FOXP1: variants seen among roughly 807,000 people sequenced by gnomAD.
The protein encoded by FOXP1 is forkhead box P1, also known as forkhead box protein P1.
FOXP1 carries 15 observed loss-of-function variants against 98.2 expected under a neutral mutation model. The ratio of observed to expected loss-of-function variants is 0.15; its 90% CI spans 0.10 to 0.24. The LOEUF (loss-of-function observed/expected upper bound fraction) is 0.24, where lower values mean the gene tolerates loss of function less well. Ranked by LOEUF, FOXP1 falls within the 10% of genes least tolerant of loss-of-function variation. FOXP1 has a pLI of 1.00. For missense variants in FOXP1, 633 were observed against 848.5 expected (o/e 0.75, Z 3.15); for synonymous variants, 371 against 314.5 (o/e 1.18, Z -1.90).
At chr3:71,016,183 A>G (rs1420941409) in intron 11 of FOXP1, among the ~76,000 whole-genome samples, 3 of 152,156 alleles carry the variant, frequency 2.0e-5, no homozygotes, top group Non-Finnish European at 4.4e-5. Context: ...AGACAAATGT[A>G]TCCAAGCAGA....
chr3:71,093,120 G>T (rs1206223381), intron 7 of FOXP1, among the ~76,000 whole-genome samples: 1 of 151,812 alleles, frequency 6.6e-6, no homozygotes, highest in Admixed American at 6.6e-5. Flanking sequence ...AATTAGCCGG[G>T]CATAGTGGCA....
intron 5 of FOXP1, among the ~76,000 whole-genome samples, chr3:71,220,752 CAAAAT>C (rs3033235): frequency 0.029 from 3,787 of 132,764 alleles, 215 homozygotes; most frequent in East Asian, 0.23. Flanking sequence ...GACCCTGTCT[CAAAAT>C]AAAATAAAAT....
At chr3:71,521,103 G>A (rs919256593) in intron 2 of FOXP1, among the ~76,000 whole-genome samples, 1 of 152,180 alleles carries the variant, frequency 6.6e-6, no homozygotes, top group Non-Finnish European at 1.5e-5. Context: ...GAAAGTCAAG[G>A]CTAGGTGGTG....
chr3:71,053,285 T>A lies in FOXP1; in HGVS notation c.420+351A>T, dbSNP rs569363985. On this transcript the variant is annotated intron_variant, in intron 8 of 20. Transcript: ENST00000649528. ...GTCGAAATGGGGACATCAAGAGCTG[T>A]CATATTTAAACCACTCCCAACGTGC... Among the ~76,000 whole-genome samples the A allele has an allele frequency of 4.6e-5, 7 of 152,264 alleles. 1 individual carries two copies. The South Asian group carries it at 1.4e-3, about 32-fold the overall frequency.
At chr3:71,459,394 G>A (rs763033656) in intron 3 of FOXP1, among the ~76,000 whole-genome samples, 10 of 152,176 alleles carry the variant, frequency 6.6e-5, no homozygotes, top group African/African-American at 9.7e-5. Flanking sequence ...GACCCAAGAA[G>A]GGGATACAGA....
At chr3:71,439,925 G>A (rs2085751809) in intron 3 of FOXP1, among the ~76,000 whole-genome samples, 1 of 148,064 alleles carries the variant, frequency 6.8e-6, no homozygotes, top group Non-Finnish European at 1.5e-5. Context: ...TCCAGCCTGG[G>A]CGAGAGAGTG....
intron 2 of FOXP1, among the ~76,000 whole-genome samples, chr3:71,569,595 ATATATTT>A (rs2047173526): frequency 1.3e-5 from 2 of 152,164 alleles, no homozygotes; most frequent in African/African-American, 4.8e-5. Flanking sequence ...AACATCATCT[ATATATTT>A]TATATTTTTA....
chr3:71,488,736 C>T (rs1446027450), intron 3 of FOXP1, among the ~76,000 whole-genome samples: 1 of 152,118 alleles, frequency 6.6e-6, no homozygotes. Flanking sequence ...TCTTCGCATG[C>T]GGGAGCCCGA....
chr3:71,487,185 T>C (rs1184155779), intron 3 of FOXP1, among the ~76,000 whole-genome samples: 1 of 151,972 alleles, frequency 6.6e-6, no homozygotes, highest in East Asian at 1.9e-4. Flanking sequence ...AAAACTATAA[T>C]ATTTCACAGA....
chr3:71,222,688 G>A (rs1464652481), intron 5 of FOXP1, among the ~76,000 whole-genome samples: 2 of 152,170 alleles, frequency 1.3e-5, no homozygotes, highest in Admixed American at 6.5e-5. Flanking sequence ...CAAAGCCTTG[G>A]TCTTTTTCAA....
chr3:71,404,415 C>T (rs2082170678), intron 3 of FOXP1, among the ~76,000 whole-genome samples: 1 of 151,896 alleles, frequency 6.6e-6, no homozygotes, highest in Admixed American at 6.6e-5. Context: ...GCATGAGCCA[C>T]CAGGCCGGCC....
intron 11 of FOXP1, among the ~76,000 whole-genome samples, chr3:71,016,870 C>A (rs1489811139): frequency 6.6e-6 from 1 of 151,916 alleles, no homozygotes; most frequent in Non-Finnish European, 1.5e-5. Context: ...AAAGTAAACA[C>A]ACAGACACAC....
intron 4 of FOXP1, among the ~76,000 whole-genome samples, chr3:71,337,920 C>CTCCGTTATACATATGTAA (rs2076784757): frequency 6.6e-6 from 1 of 152,136 alleles, no homozygotes; most frequent in African/African-American, 2.4e-5. Context: ...AAGATATGTA[C>CTCCGTTATACATATGTAA]CTCCGTTATA....
intron 3 of FOXP1, among the ~76,000 whole-genome samples, chr3:71,442,389 A>C (rs1239537378): frequency 1.3e-5 from 2 of 152,122 alleles, no homozygotes; most frequent in African/African-American, 4.8e-5. Flanking sequence ...AAAAAAAAAA[A>C]AAAACCACAT....
chr3:71,184,092 T>G (rs7430752), intron 6 of FOXP1, among the ~76,000 whole-genome samples: 63,728 of 151,892 alleles, frequency 0.42, 13,673 homozygotes, highest in Middle Eastern at 0.58. Context: ...GCGGAGGTTG[T>G]GGTAAGCTGA....
In FOXP1 at chr3:71,581,183, G is replaced by T. The variant is rs73839908; in HGVS notation, c.-298+366C>A. 417 of 985,186 alleles carry T rather than the reference G, an allele frequency of 4.2e-4. 2 individuals carry two copies. In the African/African-American group the frequency reaches 7.0e-3, roughly 17 times the overall value. The allele number at this position is 985,186 out of a possible 1,614,324, so 61.0% of individuals were successfully genotyped here. On this transcript the variant is annotated intron_variant, in intron 2 of 20. Coordinates refer to ENST00000649528, the MANE Select transcript of FOXP1 (RefSeq NM_001349338.3). ...AGCCCAGACTAAATCAATACACTTTGTAATCAGCCCAGCAAGGGTATTTGG... is the reference window on the plus strand; with the variant it reads ...AGCCCAGACTAAATCAATACACTTTTTAATCAGCCCAGCAAGGGTATTTGG...
chr3:71,126,583 G>C (rs778339749), intron 6 of FOXP1, among the ~76,000 whole-genome samples: 1 of 152,042 alleles, frequency 6.6e-6, no homozygotes, highest in South Asian at 2.1e-4. Flanking sequence ...CAGCACTTTG[G>C]GAGGCCGAGG....
intron 7 of FOXP1, among the ~76,000 whole-genome samples, chr3:71,111,984 G>C (rs892527701): frequency 4.6e-5 from 7 of 151,928 alleles, no homozygotes; most frequent in African/African-American, 1.7e-4. Flanking sequence ...ACGGTGTGTC[G>C]TGTCCTGTGC....
intron 3 of FOXP1, among the ~76,000 whole-genome samples, chr3:71,377,578 T>A (rs2079817344): frequency 6.6e-6 from 1 of 152,186 alleles, no homozygotes; most frequent in South Asian, 2.1e-4. Flanking sequence ...AGTTCCTAAG[T>A]AGCTAAACCA....
Sources: gnomAD v4.1 joint callset for allele counts (sites outside exome capture counted in the v4.1 genomes callset) on GRCh38, gnomAD v4.1.1 for gene constraint, MANE v1.5 for transcripts, NCBI Gene and HGNC (gene_info 2026-07-23, HGNC 2026-07-21) for gene names.